The following PCDHA3 variants were observed in gnomAD, a reference collection of about 807,000 sequenced individuals.
PCDHA3 encodes protocadherin alpha 3.
A neutral mutation model predicts 62.2 loss-of-function variants in PCDHA3; 41 were observed. That is an observed-to-expected ratio of 0.66 (90% confidence interval 0.51 to 0.86). The LOEUF (loss-of-function observed/expected upper bound fraction) is 0.86, where lower values mean the gene tolerates loss of function less well. Among genes scored for constraint, PCDHA3 ranks in the 40% least tolerant of loss-of-function variants. The pLI, the probability that PCDHA3 is intolerant of heterozygous loss-of-function variation, is 0.00. For missense variants in PCDHA3, 1,304 were observed against 1,241.2 expected (o/e 1.05, Z -0.76); for synonymous variants, 640 against 555.4 (o/e 1.15, Z -2.14).
chr5:140,858,033 C>T (rs1249815194), intron 1 of PCDHA3: 2 of 1,597,066 alleles, frequency 1.3e-6, no homozygotes, highest in Non-Finnish European at 1.7e-6. Context: ...ACGGCCACGG[C>T]CACTGTGCTT....
rs2150168616 is a variant in PCDHA3, at chr5:140,829,481, G to A, written c.2394+25890G>A. On this transcript the variant is annotated intron_variant, in intron 1 of 3. Coordinates refer to ENST00000522353, the MANE Select transcript of PCDHA3 (RefSeq NM_018906.3). ...CGCGCAGCCCGAGTACACAGTGTTC[G>A]TGAAGGAGAACAACCCGCCGGGCTG... 4.6e-5 allele frequency: 75 copies of A among 1,613,668 alleles called. No homozygotes were observed. The highest frequency in any genetic ancestry group is 1.7e-4 in the Middle Eastern group (1 of 5,788).
At position 140,836,402 on chromosome 5, in the gene PCDHA3, C is replaced by T. The variant is rs1695178893; in HGVS notation, c.2394+32811C>T. The T allele has an allele frequency of 1.9e-6, 3 of 1,613,680 alleles. No homozygotes were observed. The South Asian group carries it at 3.3e-5, about 18-fold the overall frequency. On this transcript the variant is annotated intron_variant, in intron 1 of 3. Transcript: ENST00000522353. Reference sequence around the variant, plus strand: ...TGCTGGTGTCGCTGGTGGAAAGCGGCCAGGCACCAAAGGCGTCGTCGCGGG... The same window carrying T: ...TGCTGGTGTCGCTGGTGGAAAGCGGTCAGGCACCAAAGGCGTCGTCGCGGG...
intron 1 of PCDHA3, chr5:140,834,432 T>A (rs2150217756): frequency 6.2e-7 from 1 of 1,613,886 alleles, no homozygotes; most frequent in South Asian, 1.1e-5. Context: ...TCTACTGCTG[T>A]TTATTATAAT....
chr5:140,957,983 AG>A (rs1554223250), intron 1 of PCDHA3, among the ~76,000 whole-genome samples: 1 of 152,154 alleles, frequency 6.6e-6, no homozygotes, highest in Non-Finnish European at 1.5e-5. Flanking sequence ...AAATAGAATC[AG>A]TGCCAGATTT....
intron 3 of PCDHA3, among the ~76,000 whole-genome samples, chr5:140,997,115 C>A (rs537421169): frequency 9.2e-5 from 14 of 152,116 alleles, no homozygotes; most frequent in Non-Finnish European, 1.6e-4. Flanking sequence ...TCCTGCTCTC[C>A]CACATACACA....
chr5:140,823,976 G>A (rs1247134130), intron 1 of PCDHA3: 1 of 1,614,034 alleles, frequency 6.2e-7, no homozygotes, highest in Non-Finnish European at 8.5e-7. Context: ...TGCACACGGG[G>A]CAAGCCCACT....
At position 140,982,360 on chromosome 5, in the gene PCDHA3, A is replaced by G. The variant is rs1016027722; in HGVS notation, c.2454-115A>G. 59 of 1,527,040 alleles carry G rather than the reference A, an allele frequency of 3.9e-5. No individual in the cohort carries two copies. In the Admixed American group the frequency reaches 8.5e-4, roughly 22 times the overall value. 94.6% of individuals were successfully genotyped at this position (1,527,040 alleles called of 1,614,324 possible). ...TAATTGCTTCAGTTCAAGCATGAGC[A>G]GAATGTGTTAGCTGCAGCCCTGGCT... On this transcript the variant is annotated intron_variant, in intron 2 of 3. Coordinates refer to ENST00000522353, the MANE Select transcript of PCDHA3 (RefSeq NM_018906.3).
At chr5:140,966,638 T>A in intron 1 of PCDHA3, 2 of 1,090,114 alleles carry the variant, frequency 1.8e-6, no homozygotes, top group South Asian at 2.2e-5. Flanking sequence ...CCAGGCGCTT[T>A]CTAGAGCGTG....
At chr5:140,881,953 T>G in intron 1 of PCDHA3, 1 of 335,146 alleles carries the variant, frequency 3.0e-6, no homozygotes, top group Non-Finnish European at 5.4e-6. Context: ...AAGGTAAACA[T>G]TTAATCTTCA....
Position 140,958,548 on chromosome 5 carries a change from A to G in PCDHA3, c.2395-20401A>G, listed in dbSNP as rs185504563. The stretch of plus-strand genomic sequence containing the variant: ...TATGTGTACATTGATTTATGAACCA[A>G]TAAATGTTTCATACACAGTTGAGAT... On this transcript the variant is annotated intron_variant, in intron 1 of 3. Transcript: ENST00000522353. Among the ~76,000 whole-genome samples the G allele has an allele frequency of 5.4e-3, 828 of 152,296 alleles. 8 individuals are homozygous for G. Among genetic ancestry groups the G allele is most frequent in the South Asian group, 1.0e-2 (48 of 4,822 alleles).
At chr5:140,966,455 C>G (rs376758355) in intron 1 of PCDHA3, 20 of 426,928 alleles carry the variant, frequency 4.7e-5, no homozygotes, top group East Asian at 2.8e-4. Flanking sequence ...CCCCCTCCCC[C>G]TCTGTCTTCC....
At chr5:140,836,148 C>T (rs1554135661) in intron 1 of PCDHA3, 1 of 1,613,646 alleles carries the variant, frequency 6.2e-7, no homozygotes, top group East Asian at 2.2e-5. Flanking sequence ...GGGCGCGGGC[C>T]ATGTGGTGGC....
intron 1 of PCDHA3, chr5:140,829,408 C>T: frequency 1.2e-6 from 2 of 1,614,134 alleles, no homozygotes; most frequent in Non-Finnish European, 1.7e-6. Context: ...GGGCCACCGC[C>T]AGCTTGTCTG....
chr5:140,896,242 C>T (rs1228427310), intron 1 of PCDHA3, among the ~76,000 whole-genome samples: 2 of 152,154 alleles, frequency 1.3e-5, no homozygotes, highest in Non-Finnish European at 2.9e-5. Flanking sequence ...GACTTATATT[C>T]CTTTGGTTAT....
intron 1 of PCDHA3, among the ~76,000 whole-genome samples, chr5:140,973,878 A>T (rs1440672302): frequency 6.6e-6 from 1 of 152,214 alleles, no homozygotes; most frequent in African/African-American, 2.4e-5. Context: ...GGTCAGAATA[A>T]TGTCAATTTG....
chr5:140,836,303 G>T (rs2150257246), intron 1 of PCDHA3: 3 of 1,613,706 alleles, frequency 1.9e-6, no homozygotes, highest in East Asian at 4.5e-5. Flanking sequence ...TAGATGAGAC[G>T]GACGCACCGC....
chr5:140,869,264 T>C (rs782308224), intron 1 of PCDHA3: 1 of 1,613,438 alleles, frequency 6.2e-7, no homozygotes, highest in South Asian at 1.1e-5. Context: ...GACCTGGGGC[T>C]GGAGCTGGCG....
rs371705947 is a variant in PCDHA3, at chr5:140,967,473, C to T, written c.2395-11476C>T. The T allele has an allele frequency of 6.6e-5, 107 of 1,613,362 alleles. No homozygotes were observed. The highest frequency in any genetic ancestry group is 6.6e-4 in the Middle Eastern group (4 of 6,058). On this transcript the variant is annotated intron_variant, in intron 1 of 3. Coordinates refer to ENST00000522353, the MANE Select transcript of PCDHA3 (RefSeq NM_018906.3). The stretch of plus-strand genomic sequence containing the variant: ...ACAGCCGTGGATGGGGGCATCCCAG[C>T]CCGCTCGGGTACGGCACAGATCTCT...
intron 1 of PCDHA3, chr5:140,883,287 T>A: frequency 6.2e-7 from 1 of 1,613,984 alleles, no homozygotes; most frequent in Non-Finnish European, 8.5e-7. Context: ...TTGGTGGAAG[T>A]ACTAGATGTA....
Sources: allele counts gnomAD v4.1 joint callset (sites outside exome capture counted in the v4.1 genomes callset), GRCh38; gene constraint gnomAD v4.1.1; transcripts MANE v1.5; gene names NCBI Gene and HGNC (gene_info 2026-07-23, HGNC 2026-07-21).